Variants in TMEM132C observed in about 807,000 individuals in gnomAD.
TMEM132C encodes the protein transmembrane protein 132C, also known as protein phosphatase 1, regulatory subunit 152.
In TMEM132C, 29 loss-of-function variants were observed where a neutral mutation model predicts 61.4. The observed-to-expected ratio is 0.47, with a 90% confidence interval of 0.35 to 0.64. The LOEUF is 0.64. Among genes scored for constraint, TMEM132C ranks in the 30% least tolerant of loss-of-function variants. TMEM132C has a pLI of 0.00. For missense variants in TMEM132C, 1,408 were observed against 1,476.9 expected (o/e 0.95, Z 0.76); for synonymous variants, 656 against 633.1 (o/e 1.04, Z -0.54).
intron 5 of TMEM132C, among the ~76,000 whole-genome samples, chr12:128,687,477 A>C (rs1042957696): frequency 1.3e-5 from 2 of 152,162 alleles, no homozygotes; most frequent in African/African-American, 4.8e-5. Context: ...GCCCAGACTG[A>C]GATCCACCAG....
At chr12:128,279,319 A>G (rs1870806224) in intron 1 of TMEM132C, among the ~76,000 whole-genome samples, 1 of 152,162 alleles carries the variant, frequency 6.6e-6, no homozygotes, top group Non-Finnish European at 1.5e-5. Flanking sequence ...AATCCTCTAG[A>G]GACAGTGCTT....
intron 2 of TMEM132C, among the ~76,000 whole-genome samples, chr12:128,424,868 C>T (rs1332862457): frequency 6.6e-6 from 1 of 152,102 alleles, no homozygotes; most frequent in Admixed American, 6.5e-5. Flanking sequence ...TTTTGCTTTG[C>T]CCATTACTTG....
intron 2 of TMEM132C, among the ~76,000 whole-genome samples, chr12:128,475,444 A>G (rs1375539663): frequency 6.6e-6 from 1 of 152,146 alleles, no homozygotes; most frequent in Admixed American, 6.5e-5. Context: ...ATGCGGTTGC[A>G]CTTGGGGTGA....
intron 2 of TMEM132C, among the ~76,000 whole-genome samples, chr12:128,497,470 G>A (rs1255496371): frequency 1.3e-5 from 2 of 152,204 alleles, no homozygotes; most frequent in Middle Eastern, 3.2e-3. Context: ...GAGCTATGGT[G>A]GGCTCCACCA....
At chr12:128,504,053 C>T (rs1471098480) in intron 2 of TMEM132C, among the ~76,000 whole-genome samples, 4 of 152,078 alleles carry the variant, frequency 2.6e-5, no homozygotes, top group Admixed American at 2.0e-4. Flanking sequence ...TCCCCCTCTC[C>T]CTCCCTCTCA....
chr12:128,343,373 G>A (rs1264930318), intron 1 of TMEM132C, among the ~76,000 whole-genome samples: 1 of 149,010 alleles, frequency 6.7e-6, no homozygotes, highest in Admixed American at 6.7e-5. Flanking sequence ...GCAGTGAGCC[G>A]AGATCCCACC....
intron 3 of TMEM132C, among the ~76,000 whole-genome samples, chr12:128,598,622 A>G (rs187757809): frequency 8.6e-5 from 13 of 151,752 alleles, no homozygotes; most frequent in African/African-American, 2.9e-4. Flanking sequence ...TTCACTCCCA[A>G]TGGCCCCTCT....
chr12:128,529,427 A>T (rs1593087525), intron 2 of TMEM132C, among the ~76,000 whole-genome samples: 1 of 152,324 alleles, frequency 6.6e-6, no homozygotes, highest in East Asian at 1.9e-4. Flanking sequence ...GTGACTTAGT[A>T]TTTCAAAAAA....
At chr12:128,384,261 C>T (rs762471740) in intron 1 of TMEM132C, among the ~76,000 whole-genome samples, 6 of 152,044 alleles carry the variant, frequency 3.9e-5, no homozygotes, top group African/African-American at 7.2e-5. Flanking sequence ...TGAGCATGGG[C>T]CACAGGATGG....
rs182600834 is a variant in TMEM132C at position 128,681,035 on chromosome 12, G to T, written c.1449+11475G>T. Among the ~76,000 whole-genome samples the T allele has an allele frequency of 2.6e-4, 39 of 152,250 alleles. No individual in the cohort carries two copies. In the East Asian group the frequency reaches 6.4e-3, roughly 25 times the overall value. On this transcript the variant is annotated intron_variant, in intron 5 of 8. Coordinates refer to ENST00000435159, the MANE Select transcript of TMEM132C (RefSeq NM_001136103.3). Reference sequence around the variant, plus strand: ...GGGGAAGATGTAGCTCTGGAAATCAGTTCTTCTATTCTTGTTTTTTCTCCT... The same window carrying T: ...GGGGAAGATGTAGCTCTGGAAATCATTTCTTCTATTCTTGTTTTTTCTCCT...
At chr12:128,399,273 A>G (rs1245607820) in intron 1 of TMEM132C, among the ~76,000 whole-genome samples, 2 of 152,240 alleles carry the variant, frequency 1.3e-5, no homozygotes, top group African/African-American at 2.4e-5. Flanking sequence ...TTTATTTTTG[A>G]GGAAAAAGGC....
chr12:128,466,596 A>G (rs759589268), intron 2 of TMEM132C, among the ~76,000 whole-genome samples: 1 of 152,226 alleles, frequency 6.6e-6, no homozygotes, highest in East Asian at 1.9e-4. Flanking sequence ...TAGTGGTGCA[A>G]TCCCAGCTCA....
At chr12:128,648,386 A>G (rs1317441323) in intron 4 of TMEM132C, among the ~76,000 whole-genome samples, 1 of 149,324 alleles carries the variant, frequency 6.7e-6, no homozygotes, top group Non-Finnish European at 1.5e-5. Context: ...GCGTTGGATG[A>G]GTGTGTTTAC....
At chr12:128,665,296 CACAT>C (rs796678968) in intron 4 of TMEM132C, among the ~76,000 whole-genome samples, 3 of 136,050 alleles carry the variant, frequency 2.2e-5, no homozygotes, top group African/African-American at 1.1e-4. Flanking sequence ...CAGGCACTCA[CACAT>C]ACACAAACAG....
chr12:128,457,445 G>A (rs931075335), intron 2 of TMEM132C, among the ~76,000 whole-genome samples: 4 of 151,638 alleles, frequency 2.6e-5, no homozygotes, highest in South Asian at 2.1e-4. Flanking sequence ...GTGTGGTGGC[G>A]GGCACCTGTA....
intron 2 of TMEM132C, among the ~76,000 whole-genome samples, chr12:128,523,811 G>GA (rs1555229605): frequency 0.045 from 4,545 of 99,958 alleles, 235 homozygotes; most frequent in African/African-American, 0.13. Context: ...ACAAGCCCAG[G>GA]AAAAAAAAAA....
intron 2 of TMEM132C, among the ~76,000 whole-genome samples, chr12:128,512,793 G>A (rs751107501): frequency 6.6e-6 from 1 of 152,202 alleles, no homozygotes; most frequent in Non-Finnish European, 1.5e-5. Flanking sequence ...ACACTGCAGC[G>A]AGAAGGTGTG....
chr12:128,443,957 G>T (rs1488666706), intron 2 of TMEM132C, among the ~76,000 whole-genome samples: 1 of 152,100 alleles, frequency 6.6e-6, no homozygotes, highest in East Asian at 1.9e-4. Flanking sequence ...GAATCTCACT[G>T]TTTCACCCAG....
intron 3 of TMEM132C, among the ~76,000 whole-genome samples, chr12:128,572,032 T>G (rs1175406189): frequency 6.6e-6 from 1 of 151,914 alleles, no homozygotes; most frequent in Non-Finnish European, 1.5e-5. Context: ...TGGCCAGACC[T>G]GGGTCACATT....
Sources: gnomAD v4.1 joint callset for allele counts (sites outside exome capture counted in the v4.1 genomes callset) on GRCh38, gnomAD v4.1.1 for gene constraint, MANE v1.5 for transcripts, NCBI Gene and HGNC (gene_info 2026-07-23, HGNC 2026-07-21) for gene names.